Variants in PRTG observed in about 807,000 individuals in gnomAD.
PRTG encodes the protein immunoglobulin superfamily, DCC subclass, member 5.
In PRTG, 67 loss-of-function variants were observed where a neutral mutation model predicts 122.5. The observed-to-expected ratio is 0.55, with a 90% confidence interval of 0.45 to 0.67. The LOEUF is 0.67. PRTG is among the 30% of genes least tolerant of loss of function. PRTG has a pLI of 0.00. For missense variants in PRTG, 1,435 were observed against 1,415.4 expected, an observed-to-expected ratio of 1.01 and a Z score of -0.22; for synonymous variants, 554 against 501.1, an observed-to-expected ratio of 1.11 and a Z score of -1.41.
intron 2 of PRTG, among the ~76,000 whole-genome samples, chr15:55,693,884 C>G (rs886825653): frequency 6.6e-6 from 1 of 152,050 alleles, no homozygotes; most frequent in Non-Finnish European, 1.5e-5. Flanking sequence ...AAGAATGACT[C>G]AAAGAATGTT....
chr15:55,683,032 G>C (rs1021460693), intron 3 of PRTG, among the ~76,000 whole-genome samples: 4 of 152,148 alleles, frequency 2.6e-5, no homozygotes, highest in Non-Finnish European at 5.9e-5. Context: ...GATATGGTTT[G>C]TGCAATCTAT....
chr15:55,639,756 G>C lies in PRTG; in HGVS notation c.2210C>G (p.Ser737Cys). Reference sequence around the variant, plus strand: ...AGGCCTCCTCCAGTGCAGGAAGATGGAAGATGAGGTGTTAGCCTTCGCATA... The same window carrying C: ...AGGCCTCCTCCAGTGCAGGAAGATGCAAGATGAGGTGTTAGCCTTCGCATA... ...HLYAKANTSS[S>C]IFLHWRRPAF... The change falls in exon 13 of 20, where the codon TCC (serine) becomes TGC (cysteine). Residue 737 changes from serine (S) to cysteine (C), a missense_variant. Ser to Cys is a moderately radical substitution (Grantham distance 112). Coordinates refer to ENST00000389286, the MANE Select transcript of PRTG (RefSeq NM_173814.6). The C allele has an allele frequency of 6.2e-7, 1 of 1,614,198 alleles. No homozygotes were observed. Among genetic ancestry groups the C allele is most frequent in the South Asian group, 1.1e-5 (1 of 91,084 alleles).
At chr15:55,648,914 T>C (rs1310647530) in intron 11 of PRTG, among the ~76,000 whole-genome samples, 1 of 151,672 alleles carries the variant, frequency 6.6e-6, no homozygotes, top group Non-Finnish European at 1.5e-5. Flanking sequence ...CTGGCCAATA[T>C]GGTGAAACCC....
chr15:55,643,203 A>G (rs2059302187), intron 11 of PRTG, among the ~76,000 whole-genome samples: 1 of 152,236 alleles, frequency 6.6e-6, no homozygotes, highest in Non-Finnish European at 1.5e-5. Flanking sequence ...TCATTGAAAG[A>G]ATGTTCTAAA....
intron 11 of PRTG, among the ~76,000 whole-genome samples, chr15:55,662,070 A>AATT (rs2059413278): frequency 6.6e-6 from 1 of 152,202 alleles, no homozygotes; most frequent in Admixed American, 6.5e-5. Context: ...TTCTTTTCCC[A>AATT]ATTATTTGTG....
chr15:55,686,096 C>G (rs1391096998), intron 2 of PRTG, among the ~76,000 whole-genome samples: 1 of 152,168 alleles, frequency 6.6e-6, no homozygotes, highest in East Asian at 1.9e-4. Flanking sequence ...GCTTCACATT[C>G]AGGCAGAACA....
At chr15:55,701,459 G>A (rs1595662866) in intron 2 of PRTG, among the ~76,000 whole-genome samples, 1 of 152,120 alleles carries the variant, frequency 6.6e-6, no homozygotes, top group African/African-American at 2.4e-5. Context: ...GCTTGAACCC[G>A]GGAGGCAGAG....
chr15:55,677,762 A>T lies in PRTG; in HGVS notation c.1381+35T>A, dbSNP rs190987484. The T allele has an allele frequency of 3.6e-5, 58 of 1,598,400 alleles. No individual in the cohort carries two copies. In the African/African-American group the frequency reaches 7.1e-4, roughly 20 times the overall value. ...TGAAAACAAATCCTTGATAGCAAGG[A>T]GTACTTAAAAATAAGCACTCCTAAA... is the stretch of plus-strand genomic sequence containing the variant. On this transcript the variant is annotated intron_variant, in intron 8 of 19. Transcript: ENST00000389286.
rs998846092 is a variant in PRTG at position 55,614,155 on chromosome 15, G to A, written c.*5857C>T. ...AAATTGGGGTGGAATTAGACATTAT[G>A]TTTTAAAGTTCAAAGAGGGCCAGAC... is the stretch of plus-strand genomic sequence containing the variant. On this transcript the variant is annotated 3_prime_UTR_variant, in exon 20 of 20. Transcript: ENST00000389286. 2.6e-5 allele frequency: 4 copies of A among 152,030 alleles called. No individual in the cohort carries two copies. The highest frequency in any genetic ancestry group is 7.2e-5 in the African/African-American group (3 of 41,412). The allele number at this position is 152,030 out of a possible 1,614,324, so 9.4% of individuals were successfully genotyped here.
intron 12 of PRTG, among the ~76,000 whole-genome samples, chr15:55,640,339 C>A: frequency 6.6e-6 from 1 of 152,150 alleles, no homozygotes; most frequent in Non-Finnish European, 1.5e-5. Context: ...GAATTTTTCA[C>A]CTCCATTATA....
chr15:55,720,777 C>T (rs1208144350), intron 2 of PRTG, among the ~76,000 whole-genome samples: 1 of 152,166 alleles, frequency 6.6e-6, no homozygotes, highest in Non-Finnish European at 1.5e-5. Context: ...ATAAAACACG[C>T]TAACACTAAT....
At chr15:55,704,000 T>C (rs1398278112) in intron 2 of PRTG, among the ~76,000 whole-genome samples, 2 of 148,900 alleles carry the variant, frequency 1.3e-5, no homozygotes, top group Non-Finnish European at 3.0e-5. Flanking sequence ...AAGCAGGAAA[T>C]GGTACAGAAA....
intron 2 of PRTG, among the ~76,000 whole-genome samples, chr15:55,701,696 T>G (rs1316739208): frequency 1.3e-5 from 2 of 152,220 alleles, no homozygotes; most frequent in African/African-American, 2.4e-5. Flanking sequence ...CCTTCAAAGG[T>G]AGTGAATGAA....
intron 7 of PRTG, among the ~76,000 whole-genome samples, chr15:55,678,926 A>G (rs2141808994): frequency 6.6e-6 from 1 of 152,344 alleles, no homozygotes; most frequent in South Asian, 2.1e-4. Context: ...TATTTCTTCT[A>G]ATTTCCTCAT....
chr15:55,663,881 A>T (rs1209737173), intron 11 of PRTG, among the ~76,000 whole-genome samples: 2 of 152,144 alleles, frequency 1.3e-5, no homozygotes, highest in African/African-American at 2.4e-5. Flanking sequence ...GAATGAAGTC[A>T]TACAGAATGT....
rs780218444 is a variant in PRTG, at chr15:55,636,425, T to C, written c.2623+745A>G. Among the ~76,000 whole-genome samples, 6 of 152,058 alleles carry C rather than the reference T, an allele frequency of 3.9e-5. No homozygotes were observed. In the South Asian group the frequency reaches 6.2e-4, roughly 16 times the overall value. On this transcript the variant is annotated intron_variant, in intron 15 of 19. Coordinates refer to ENST00000389286, the MANE Select transcript of PRTG (RefSeq NM_173814.6). ...CACACTATCAGAAACCTAAGACTCA[T>C]CCATAACAAATCTCCCTTCCTCAAT...
At chr15:55,623,531 A>C (rs919734944) in intron 18 of PRTG, among the ~76,000 whole-genome samples, 1 of 152,072 alleles carries the variant, frequency 6.6e-6, no homozygotes, top group African/African-American at 2.4e-5. Context: ...GTACCACTGC[A>C]CTCCAGCCTG....
At chr15:55,639,157 G>A (rs2059275285) in intron 13 of PRTG, among the ~76,000 whole-genome samples, 2 of 152,080 alleles carry the variant, frequency 1.3e-5, no homozygotes, top group Non-Finnish European at 2.9e-5. Flanking sequence ...AATATTTTTG[G>A]AGAGATGGGA....
Position 55,672,638 on chromosome 15 carries a change from C to G in PRTG, c.1853-5G>C. 4 of 1,604,544 alleles carry G rather than the reference C, an allele frequency of 2.5e-6. No homozygotes were observed. Among genetic ancestry groups the G allele is most frequent in the Non-Finnish European group, 3.4e-6 (4 of 1,175,164 alleles). ...GCAACTCTGGAGACTTAGGGGCTAG[C>G]AAAATTCATCAGAAAATGTATGTAT... On this transcript the variant is annotated splice_polypyrimidine_tract_variant and splice_region_variant and intron_variant, in intron 10 of 19. Coordinates refer to ENST00000389286, the MANE Select transcript of PRTG (RefSeq NM_173814.6).
Sources: gnomAD v4.1 joint callset for allele counts (sites outside exome capture counted in the v4.1 genomes callset) on GRCh38, gnomAD v4.1.1 for gene constraint, MANE v1.5 for transcripts, NCBI Gene and HGNC (gene_info 2026-07-23, HGNC 2026-07-21) for gene names.